The following FOXN3 variants were observed in gnomAD, a reference collection of about 807,000 sequenced individuals.
FOXN3 encodes forkhead box N3.
FOXN3 carries 7 observed loss-of-function variants against 38.4 expected under a neutral mutation model. That is an observed-to-expected ratio of 0.18 (90% CI 0.10 to 0.34). The LOEUF (loss-of-function observed/expected upper bound fraction) is 0.34, where lower values mean the gene tolerates loss of function less well. Ranked by LOEUF, FOXN3 falls within the 10% of genes least tolerant of loss-of-function variation. The probability of loss-of-function intolerance (pLI) is 1.00; values close to 1 mark genes in which losing one functional copy is unlikely to be tolerated. For missense variants in FOXN3, 456 were observed against 613.4 expected, an observed-to-expected ratio of 0.74 and a Z score of 2.71; for synonymous variants, 230 against 242.2, an observed-to-expected ratio of 0.95 and a Z score of 0.47.
intron 4 of FOXN3, among the ~76,000 whole-genome samples, chr14:89,253,640 A>T (rs1315887278): frequency 6.6e-6 from 1 of 151,912 alleles, no homozygotes; most frequent in Non-Finnish European, 1.5e-5. Context: ...AGAGAAGCAA[A>T]ATTCAATCCT....
intron 5 of FOXN3, among the ~76,000 whole-genome samples, chr14:89,174,737 A>G (rs185746037): frequency 6.6e-6 from 1 of 152,300 alleles, no homozygotes; most frequent in Admixed American, 6.5e-5. Context: ...CGCTCGCTGA[A>G]ATGGGCCCAG....
At chr14:89,577,351 T>G (rs1340728303) in intron 1 of FOXN3, 1 of 152,132 alleles carries the variant, frequency 6.6e-6, no homozygotes, top group East Asian at 1.9e-4. Context: ...TAAATAAAAT[T>G]ATAAGGATAG....
At chr14:89,611,723 G>T (rs191730243) in intron 1 of FOXN3, among the ~76,000 whole-genome samples, 11 of 150,484 alleles carry the variant, frequency 7.3e-5, no homozygotes, top group African/African-American at 2.4e-4. Flanking sequence ...GGAGAACGGC[G>T]TGAACCTGGG....
intron 2 of FOXN3, among the ~76,000 whole-genome samples, chr14:89,395,147 C>A (rs983878047): frequency 6.6e-6 from 1 of 152,246 alleles, no homozygotes; most frequent in African/African-American, 2.4e-5. Context: ...CACTGGTTAT[C>A]TGATGCTGGT....
chr14:89,307,810 C>T (rs1596171046), intron 3 of FOXN3, among the ~76,000 whole-genome samples: 1 of 152,194 alleles, frequency 6.6e-6, no homozygotes, highest in South Asian at 2.1e-4. Context: ...CAGAATCACT[C>T]ATAAGTAAAT....
At chr14:89,262,237 T>G (rs1885831797) in intron 4 of FOXN3, among the ~76,000 whole-genome samples, 1 of 152,232 alleles carries the variant, frequency 6.6e-6, no homozygotes, top group Non-Finnish European at 1.5e-5. Context: ...GGGCAAGCCC[T>G]GACTCTGGGC....
At chr14:89,417,456 G>T (rs1270677920), upstream of FOXN3, 2 of 148,768 alleles carry the variant, frequency 1.3e-5, no homozygotes, top group African/African-American at 4.9e-5. Flanking sequence ...TCGCCTCTTG[G>T]GCCCCGCGGG....
At position 89,324,284 on chromosome 14, in the gene FOXN3, A is replaced by C. The variant is rs114721353; in HGVS notation, c.680+26388T>G. Among the ~76,000 whole-genome samples the C allele has an allele frequency of 2.0e-3, 297 of 152,284 alleles. 4 individuals carry two copies. The highest frequency in any genetic ancestry group is 6.8e-3 in the African/African-American group (284 of 41,548). ...TTAAATTAGCACCATTACGGAATAG[A>C]AATTATTAATACATTCAGGGAGGTG... On this transcript the variant is annotated intron_variant, in intron 3 of 5. Coordinates refer to ENST00000557258, the MANE Select transcript of FOXN3 (RefSeq NM_005197.4).
intron 3 of FOXN3, among the ~76,000 whole-genome samples, chr14:89,292,040 G>A (rs77890769): frequency 3.9e-5 from 6 of 151,982 alleles, no homozygotes; most frequent in Non-Finnish European, 8.8e-5. Context: ...CAAACCTCCC[G>A]CTCCATCTTT....
At chr14:89,236,752 G>A (rs752868903) in intron 4 of FOXN3, among the ~76,000 whole-genome samples, 1 of 152,178 alleles carries the variant, frequency 6.6e-6, no homozygotes, top group African/African-American at 2.4e-5. Flanking sequence ...CTAGCTGTGG[G>A]GACACTTAAA....
intron 3 of FOXN3, among the ~76,000 whole-genome samples, chr14:89,296,529 C>T (rs1887044769): frequency 3.3e-5 from 5 of 152,212 alleles, no homozygotes; most frequent in Non-Finnish European, 1.5e-5. Flanking sequence ...GGAGGCAGAG[C>T]AGCTGGGCCA....
At chr14:89,275,394 G>A (rs1886268920) in intron 4 of FOXN3, among the ~76,000 whole-genome samples, 1 of 152,164 alleles carries the variant, frequency 6.6e-6, no homozygotes, top group African/African-American at 2.4e-5. Context: ...AACAGAGCTG[G>A]TACTAGATAG....
At chr14:89,540,115 C>G (rs1316366305) in intron 1 of FOXN3, among the ~76,000 whole-genome samples, 1 of 152,210 alleles carries the variant, frequency 6.6e-6, no homozygotes, top group Non-Finnish European at 1.5e-5. Flanking sequence ...TCACGCCACT[C>G]CTTCAAATTG....
At chr14:89,520,094 G>A (rs1019178981) in intron 1 of FOXN3, among the ~76,000 whole-genome samples, 3 of 144,604 alleles carry the variant, frequency 2.1e-5, no homozygotes, top group African/African-American at 7.8e-5. Context: ...GATCACTGCA[G>A]CCTCCACCTC....
chr14:89,230,318 T>G (rs1260369947), intron 4 of FOXN3, among the ~76,000 whole-genome samples: 1 of 152,222 alleles, frequency 6.6e-6, no homozygotes, highest in Non-Finnish European at 1.5e-5. Flanking sequence ...CAATCCCTCT[T>G]ACTTCACTCT....
At chr14:89,615,590 A>G (rs543111405) in intron 1 of FOXN3, among the ~76,000 whole-genome samples, 2 of 152,356 alleles carry the variant, frequency 1.3e-5, no homozygotes, top group South Asian at 4.1e-4. Flanking sequence ...CTAGAAACCA[A>G]CAAATCCCAT....
At chr14:89,580,255 A>G (rs1352462300) in intron 1 of FOXN3, among the ~76,000 whole-genome samples, 1 of 152,184 alleles carries the variant, frequency 6.6e-6, no homozygotes, top group Non-Finnish European at 1.5e-5. Context: ...GGATGAACAA[A>G]ATGAGTTTCT....
intron 1 of FOXN3, among the ~76,000 whole-genome samples, chr14:89,469,847 G>A (rs1355739393): frequency 6.6e-6 from 1 of 152,266 alleles, no homozygotes; most frequent in Non-Finnish European, 1.5e-5. Flanking sequence ...ACACGTCCGT[G>A]CTTTGAAAAC....
intron 4 of FOXN3, among the ~76,000 whole-genome samples, chr14:89,204,052 TAC>T (rs10559428): frequency 0.054 from 7,149 of 133,548 alleles, 199 homozygotes; most frequent in Middle Eastern, 0.11. Flanking sequence ...CATACTCCCT[TAC>T]ACACACACAC....
Sources: gnomAD v4.1 joint callset for allele counts (sites outside exome capture counted in the v4.1 genomes callset) on GRCh38, gnomAD v4.1.1 for gene constraint, MANE v1.5 for transcripts, NCBI Gene and HGNC (gene_info 2026-07-23, HGNC 2026-07-21) for gene names.